Variants in TRMT2A observed in about 807,000 individuals in gnomAD.
The protein encoded by TRMT2A is tRNA (uracil-5-)-methyltransferase homolog A.
Under a neutral mutation model 59.3 loss-of-function variants are expected in TRMT2A, and 60 were observed. The ratio of observed to expected loss-of-function variants is 1.01; its 90% CI spans 0.82 to 1.26. The LOEUF (loss-of-function observed/expected upper bound fraction) is 1.26. Ranked by LOEUF, TRMT2A falls within the 50% of genes most tolerant of loss-of-function variation. The probability of loss-of-function intolerance (pLI) is 0.00; values close to 1 mark genes in which losing one functional copy is unlikely to be tolerated. For missense variants in TRMT2A, 863 were observed against 845.2 expected, an observed-to-expected ratio of 1.02 and a Z score of -0.26; for synonymous variants, 403 against 353.7, an observed-to-expected ratio of 1.14 and a Z score of -1.56.
At chr22:20,113,399 A>AAACCC in intron 9 of TRMT2A, 33 bp downstream of exon 9, 3 of 713,636 alleles carry the variant, frequency 4.2e-6, no homozygotes, top group Non-Finnish European at 7.1e-6. Flanking sequence ...GGCTGCCCCC[A>AAACCC]TCCCCACCCC....
intron 1 of TRMT2A, 56 bp downstream of exon 1, chr22:20,116,827 A>AACC: frequency 2.0e-6 from 2 of 1,018,016 alleles, no homozygotes; most frequent in Non-Finnish European, 2.6e-6. Context: ...TTCCTGACCC[A>AACC]CCCCGCCTCC....
chr22:20,112,762 C>T lies in TRMT2A; in HGVS notation c.1679G>A (p.Gly560Asp). ...LCRAPSNRVK[G>D]IPFRPVKAVA... is the part of the protein sequence containing the mutation. ...AGCCTTGACCGGCCGGAAGGGAATG[C>T]CCTTCACCCGGTTAGATGGGGCTCT... The change falls in exon 12 of 12, where the codon GGC (glycine) becomes GAC (aspartate). Residue 560 changes from glycine to aspartate, a missense_variant. Physicochemically the swap from Gly to Asp is moderately conservative, Grantham distance 94. Transcript: ENST00000252136. The T allele has an allele frequency of 6.2e-7, 1 of 1,613,654 alleles. No homozygotes were observed. The highest frequency in any genetic ancestry group is 8.5e-7 in the Non-Finnish European group (1 of 1,180,010).
chr22:20,116,871 C>G lies in TRMT2A; in HGVS notation c.24+12G>C. 1 of 1,604,028 alleles carries G rather than the reference C, an allele frequency of 6.2e-7. No individual in the cohort carries two copies. The highest frequency in any genetic ancestry group is 8.5e-7 in the Non-Finnish European group (1 of 1,175,730). ...CATCCCCGTCTCTACCCAGCGTCTCCCCGCACTCTACCTCGTTGTCGAGGT... is the reference window on the plus strand; with the variant it reads ...CATCCCCGTCTCTACCCAGCGTCTCGCCGCACTCTACCTCGTTGTCGAGGT... On this transcript the variant is annotated intron_variant, in intron 1 of 11. Coordinates refer to ENST00000252136, the MANE Select transcript of TRMT2A (RefSeq NM_022727.6).
rs1568973566 is a variant in TRMT2A at position 20,115,732 on chromosome 22, C to G, written c.648G>C (p.Gln216His). The G allele has an allele frequency of 1.2e-6, 2 of 1,612,752 alleles. No homozygotes were observed. The highest frequency in any genetic ancestry group is 1.1e-5 in the South Asian group (1 of 91,082). ...AGCAGGCCTTGTTGTGCTTGTGCCTCTGCTCGAGCAGCCAGGGCAGCAAGG... is the reference window on the plus strand; with the variant it reads ...AGCAGGCCTTGTTGTGCTTGTGCCTGTGCTCGAGCAGCCAGGGCAGCAAGG... ...NRALLPWLLEQRHKHNKACCP... is the reference protein window; with the variant it reads ...NRALLPWLLEHRHKHNKACCP... Residue 216 changes from glutamine (Q) to histidine (H), a missense_variant, in exon 3 of 12, where the codon CAG (glutamine) becomes CAC (histidine). Transcript: ENST00000252136.
Position 20,114,585 on chromosome 22 carries a change from C to G in TRMT2A, c.1222G>C (p.Ala408Pro), listed in dbSNP as rs1433195050. The G allele has an allele frequency of 2.5e-6, 4 of 1,613,442 alleles. No homozygotes were observed. In the Admixed American group the frequency reaches 5.0e-5, roughly 20 times the overall value. The part of the protein sequence containing the change: ...LGLTFRISPH[A>P]FFQVNTPAAE... ...GGACTCATGGCTACCTGGAAGAAGG[C>G]GTGTGGAGAGATCCGGAAGGTCAGC... The change falls in exon 7 of 12, where the codon GCC (alanine) becomes CCC (proline). Residue 408 changes from alanine (A) to proline (P), a missense_variant. Coordinates refer to ENST00000252136, the MANE Select transcript of TRMT2A (RefSeq NM_022727.6).
chr22:20,114,307 CGA>C (rs1414803703), intron 7 of TRMT2A, among the ~76,000 whole-genome samples: 1 of 152,196 alleles, frequency 6.6e-6, no homozygotes, highest in Non-Finnish European at 1.5e-5. Flanking sequence ...TCCCTCCTGC[CGA>C]GCCCAGAGCA....
intron 7 of TRMT2A, among the ~76,000 whole-genome samples, chr22:20,114,240 C>T (rs1306122377): frequency 6.6e-6 from 1 of 152,208 alleles, no homozygotes; most frequent in African/African-American, 2.4e-5. Flanking sequence ...CACAGCCTTC[C>T]TGCAGCAGTG....
chr22:20,112,860 G>C (rs760881072), intron 11 of TRMT2A, 51 bp downstream of exon 11: 6 of 1,612,372 alleles, frequency 3.7e-6, no homozygotes, highest in Non-Finnish European at 5.1e-6. Context: ...TGTGGGAGCT[G>C]GGGGCTTGGT....
chr22:20,114,972 T>A lies in TRMT2A; in HGVS notation c.998A>T (p.His333Leu). 6.3e-7 allele frequency: 1 copy of A among 1,590,218 alleles called. No homozygotes were observed. The highest frequency in any genetic ancestry group is 8.5e-7 in the Non-Finnish European group (1 of 1,169,882). Residue 333 changes from histidine to leucine, a missense_variant, in exon 5 of 12, where the codon CAC becomes CTC. By Grantham distance (99) the His-to-Leu change is moderately conservative (BLOSUM62 -3). Transcript: ENST00000252136. ...CAGGGCCCCCGTTGAGACCTGGGGGTGGAAGTAGGCAATGGCCATGGCCTG... is the reference window on the plus strand; with the variant it reads ...CAGGGCCCCCGTTGAGACCTGGGGGAGGAAGTAGGCAATGGCCATGGCCTG... The part of the protein sequence containing the change: ...RHQAMAIAYF[H>L]PQKLSPEELA...
chr22:20,114,437 T>C (rs2049943228), intron 7 of TRMT2A, 137 bp downstream of exon 7: 1 of 733,994 alleles, frequency 1.4e-6, no homozygotes, highest in African/African-American at 1.7e-5. Context: ...TCTTTCTTAC[T>C]TCACCCTCCC....
intron 4 of TRMT2A, 67 bp downstream of exon 4, chr22:20,115,199 G>A: frequency 1.4e-5 from 22 of 1,583,064 alleles, no homozygotes; most frequent in Non-Finnish European, 1.8e-5. Flanking sequence ...AATTCCCGGG[G>A]CAGGATCACC....
At position 20,112,696 on chromosome 22, in the gene TRMT2A, A is replaced by G; in HGVS notation, c.1745T>C (p.Met582Thr). 6.2e-7 allele frequency: 1 copy of G among 1,614,026 alleles called. No individual in the cohort carries two copies. Among genetic ancestry groups the G allele is most frequent in the Non-Finnish European group, 8.5e-7 (1 of 1,180,012 alleles). Residue 582 changes from methionine to threonine, a missense_variant, in exon 12 of 12, where the codon ATG becomes ACG. Met to Thr is a moderately conservative substitution (Grantham distance 81). Transcript: ENST00000252136. ...CTCCACCCTCTCAAACAGGATGAGC[A>G]TCTCACAGTGCGGGGTCTGCGGGAA... ...DLFPQTPHCE[M>T]LILFERVEHP...
At position 20,112,799 on chromosome 22, in the gene TRMT2A, G is replaced by C. The variant is rs757753958; in HGVS notation, c.1647-5C>G. 3 of 1,612,866 alleles carry C rather than the reference G, an allele frequency of 1.9e-6. No homozygotes were observed. Among genetic ancestry groups the C allele is most frequent in the East Asian group, 2.2e-5 (1 of 44,872 alleles). On this transcript the variant is annotated splice_polypyrimidine_tract_variant and splice_region_variant and intron_variant, in intron 11 of 11. Transcript: ENST00000252136. ...TTAGATGGGGCTCTGCAGAGGCTGT[G>C]GGGGGAAAAGGGGGGCGCTAAGGTC...
intron 1 of TRMT2A, 114 bp from the exon 2 acceptor site, chr22:20,116,726 G>A (rs1451253918): frequency 7.0e-7 from 1 of 1,419,668 alleles, no homozygotes; most frequent in East Asian, 2.5e-5. Context: ...ACTCAGCCCT[G>A]CCCCTCCCCC....
In TRMT2A at chr22:20,115,248, C is replaced by T; in HGVS notation, c.890+18G>A. Reference sequence around the variant, plus strand: ...ACACCGCATAGGACTTCCCGGGAGCCCCGTCACAGGTCCTCACCGGATGAA... The same window carrying T: ...ACACCGCATAGGACTTCCCGGGAGCTCCGTCACAGGTCCTCACCGGATGAA... On this transcript the variant is annotated intron_variant, in intron 4 of 11. Coordinates refer to ENST00000252136, the MANE Select transcript of TRMT2A (RefSeq NM_022727.6). The T allele has an allele frequency of 6.2e-7, 1 of 1,603,256 alleles. No individual in the cohort carries two copies. The highest frequency in any genetic ancestry group is 8.5e-7 in the Non-Finnish European group (1 of 1,172,480).
In TRMT2A at chr22:20,115,700, A is replaced by C; in HGVS notation, c.680T>G (p.Leu227Arg). 6.2e-7 allele frequency: 1 copy of C among 1,612,958 alleles called. No homozygotes were observed. ...RHKHNKACCP[L>R]EGVRPSPQQT... ...CTGGGGTGATGGCCTGACCCCCTCC[A>C]GCGGGCAGCAGGCCTTGTTGTGCTT... Residue 227 changes from leucine to arginine, a missense_variant, in exon 3 of 12, where the codon CTG becomes CGG. Leu to Arg is a moderately radical substitution (Grantham distance 102). Transcript: ENST00000252136.
chr22:20,113,424 C>A lies in TRMT2A; in HGVS notation c.1432+8G>T. ...ATCCCCACCCCCACCCACGGCCTTG[C>A]CACTCACCATTGTCCTGGGCGTTCA... is the stretch of plus-strand genomic sequence containing the variant. On this transcript the variant is annotated splice_region_variant and intron_variant, in intron 9 of 11. Coordinates refer to ENST00000252136, the MANE Select transcript of TRMT2A (RefSeq NM_022727.6). The A allele has an allele frequency of 7.9e-7, 1 of 1,258,898 alleles. No homozygotes were observed. Among genetic ancestry groups the A allele is most frequent in the Non-Finnish European group, 1.2e-6 (1 of 866,572 alleles). 78.0% of individuals were successfully genotyped at this position (1,258,898 alleles called of 1,614,324 possible).
chr22:20,115,771 C>A lies in TRMT2A; in HGVS notation c.609G>T (p.Gly203=). 6.2e-7 allele frequency: 1 copy of A among 1,607,232 alleles called. No individual in the cohort carries two copies. The highest frequency in any genetic ancestry group is 1.1e-5 in the South Asian group (1 of 90,986). The part of the protein sequence containing the change: ...QVLQKLAKEI[G]STNRALLPWL... The stretch of plus-strand genomic sequence containing the variant: ...AGGGCAGCAAGGCACGGTTGGTGCT[C>A]CCGATTTCCCTGTAAGAGGAGCAGA... The change falls in exon 3 of 12, where the codon GGG becomes GGT. Residue 203 remains glycine (G), a synonymous_variant. Coordinates refer to ENST00000252136, the MANE Select transcript of TRMT2A (RefSeq NM_022727.6).
rs748610222 is a variant in TRMT2A at position 20,112,608 on chromosome 22, G to A, written c.1833C>T (p.Pro611=). The change falls in exon 12 of 12, where the codon CCC becomes CCT. Residue 611 remains proline, a synonymous_variant. Transcript: ENST00000252136. ...HSPPAQPTPG[P]PDNTLQETGT... ...CAGTTTCTTGTAGGGTGTTATCTGG[G>A]GGTCCTGGTGTGGGTTGAGCTGGAG... 1.9e-6 allele frequency: 3 copies of A among 1,614,010 alleles called. No individual in the cohort carries two copies. The highest frequency in any genetic ancestry group is 2.2e-5 in the South Asian group (2 of 91,094).
Sources: allele counts gnomAD v4.1 joint callset (sites outside exome capture counted in the v4.1 genomes callset), GRCh38; gene constraint gnomAD v4.1.1; transcripts MANE v1.5; gene names NCBI Gene and HGNC (gene_info 2026-07-23, HGNC 2026-07-21).